YWHAG: variants seen among roughly 807,000 people sequenced by gnomAD.
YWHAG encodes the protein 14-3-3 protein gamma.
In YWHAG, 1 loss-of-function variant was observed where a neutral mutation model predicts 23.3. The observed-to-expected ratio is 0.04, with a 90% CI of 0.02 to 0.20. YWHAG has a LOEUF of 0.20. YWHAG is among the 10% of genes least tolerant of loss of function. YWHAG has a pLI of 1.00. For missense variants in YWHAG, 151 were observed against 338.6 expected (o/e 0.45, Z 4.35); for synonymous variants, 160 against 144.0 (o/e 1.11, Z -0.80).
At chr7:76,346,936 C>T (rs1803787575) in intron 1 of YWHAG, among the ~76,000 whole-genome samples, 2 of 152,144 alleles carry the variant, frequency 1.3e-5, no homozygotes, top group South Asian at 2.1e-4. Flanking sequence ...CCCTGAATGC[C>T]ACCAACAAGG....
In YWHAG at chr7:76,329,508, C is replaced by CCCCA; in HGVS notation, c.*68_*69insTGGG. On this transcript the variant is annotated 3_prime_UTR_variant, in exon 2 of 2. Transcript: ENST00000307630. The surrounding 1 kb of genome is among the most constrained non-coding windows in gnomAD (Gnocchi z 6.1). ...TCCCTTTCCCTCCCCCACCCGACCC[C>CCCCA]CAACTCATGGGAAAAAAATAAAGAC... 6.3e-6 allele frequency: 9 copies of CCCCA among 1,418,584 alleles called. No homozygotes were observed. The highest frequency in any genetic ancestry group is 5.6e-6 in the Non-Finnish European group (6 of 1,067,668). 87.9% of individuals were successfully genotyped at this position (1,418,584 alleles called of 1,614,324 possible).
intron 1 of YWHAG, 127 bp from the exon 2 acceptor site, chr7:76,330,360 G>A (rs1803525101): frequency 2.8e-6 from 3 of 1,060,858 alleles, no homozygotes; most frequent in East Asian, 2.6e-5. Flanking sequence ...ACTTTGTGTG[G>A]GCTGGGGGAA....
chr7:76,329,489 T>TTCCGCCCCCC lies in YWHAG; in HGVS notation c.*87_*88insGGGGGGCGGA. On this transcript the variant is annotated 3_prime_UTR_variant, in exon 2 of 2. Transcript: ENST00000307630. This position sits in a 1 kb window ranked among gnomAD's most constrained non-coding sequence, Gnocchi z 6.1. ...TCCCTGGGAAGGTCATCCCTCCCTTTCCCTCCCCCACCCGACCCCCAACTC... is the reference window on the plus strand; with the variant it reads ...TCCCTGGGAAGGTCATCCCTCCCTTTTCCGCCCCCCCCCTCCCCCACCCGACCCCCAACTC... The TTCCGCCCCCC allele has an allele frequency of 9.8e-7, 1 of 1,024,228 alleles. No individual in the cohort carries two copies. The allele number at this position is 1,024,228 out of a possible 1,614,324, so 63.4% of individuals were successfully genotyped here.
chr7:76,340,543 C>G (rs1217935310), intron 1 of YWHAG, among the ~76,000 whole-genome samples: 1 of 152,176 alleles, frequency 6.6e-6, no homozygotes, highest in Non-Finnish European at 1.5e-5. Flanking sequence ...AAAATTCTAA[C>G]TCCTCGCCCT....
chr7:76,348,833 C>T (rs1563667138), intron 1 of YWHAG, among the ~76,000 whole-genome samples: 1 of 151,954 alleles, frequency 6.6e-6, no homozygotes, highest in Non-Finnish European at 1.5e-5. Flanking sequence ...AGTCAGCCAG[C>T]CTCCCAAAGT....
chr7:76,350,800 C>T (rs187859939), intron 1 of YWHAG, among the ~76,000 whole-genome samples: 13 of 152,020 alleles, frequency 8.6e-5, no homozygotes, highest in East Asian at 3.9e-4. Context: ...GCTGAGATCG[C>T]GCCACTGCAC....
chr7:76,334,483 A>C (rs1328521728), intron 1 of YWHAG, among the ~76,000 whole-genome samples: 1 of 152,146 alleles, frequency 6.6e-6, no homozygotes, highest in African/African-American at 2.4e-5. Context: ...GCTGGAGTAC[A>C]GTGGTGCAAT....
Position 76,327,687 on chromosome 7 carries a change from C to A in YWHAG, c.*1890G>T, listed in dbSNP as rs1027851021. 1.7e-5 allele frequency: 2 copies of A among 120,294 alleles called. No individual in the cohort carries two copies. Among genetic ancestry groups the A allele is most frequent in the Admixed American group, 7.9e-5 (1 of 12,614 alleles). The allele number at this position is 120,294 out of a possible 1,614,324, so 7.5% of individuals were successfully genotyped here. ...TACCCTGCCCCCCCCCCCCTCCCCC[C>A]CCAAATCGTCTTCCTCCCATGGCAA... On this transcript the variant is annotated 3_prime_UTR_variant, in exon 2 of 2. Transcript: ENST00000307630.
intron 1 of YWHAG, among the ~76,000 whole-genome samples, chr7:76,345,481 T>C (rs116217787): frequency 0.027 from 4,124 of 150,656 alleles, 197 homozygotes; most frequent in African/African-American, 0.094. Context: ...CCACCGTACC[T>C]GGCCAAGCCT....
intron 1 of YWHAG, among the ~76,000 whole-genome samples, chr7:76,337,812 C>T (rs1349511263): frequency 4.6e-5 from 7 of 152,046 alleles, no homozygotes; most frequent in Admixed American, 3.3e-4. Flanking sequence ...CTGGGATTAC[C>T]GGCATGAGCC....
chr7:76,354,337 C>T (rs1190311202), intron 1 of YWHAG, among the ~76,000 whole-genome samples: 1 of 151,920 alleles, frequency 6.6e-6, no homozygotes, highest in Non-Finnish European at 1.5e-5. Flanking sequence ...ATGGTGAAAC[C>T]CTGTCTCTAT....
At chr7:76,339,867 T>C (rs1300665216) in intron 1 of YWHAG, among the ~76,000 whole-genome samples, 1 of 152,084 alleles carries the variant, frequency 6.6e-6, no homozygotes, top group African/African-American at 2.4e-5. Context: ...GGCGGGTGAA[T>C]TGCCTGAGCT....
chr7:76,354,861 TC>T (rs1803927566), intron 1 of YWHAG, among the ~76,000 whole-genome samples: 1 of 152,244 alleles, frequency 6.6e-6, no homozygotes. Flanking sequence ...AGTAAATTGT[TC>T]TTATTTATTT....
At chr7:76,336,727 A>T (rs1016882600) in intron 1 of YWHAG, among the ~76,000 whole-genome samples, 1 of 148,000 alleles carries the variant, frequency 6.8e-6, no homozygotes, top group African/African-American at 2.5e-5. Flanking sequence ...AAGTGCTGGG[A>T]TTACAGGCGT....
In YWHAG at chr7:76,332,522, C is replaced by CT. The variant is rs200642135; in HGVS notation, c.88-2290dup. ...AGGTATATCAGACAAATAAGAAAGT[C>CT]TTTTTTTGTTCTTTTTGAGACATGG... On this transcript the variant is annotated intron_variant, in intron 1 of 1. Transcript: ENST00000307630. Among the ~76,000 whole-genome samples the CT allele has an allele frequency of 1.2e-3, 185 of 152,044 alleles. 5 individuals carry two copies. The East Asian group carries it at 0.023, about 19-fold the overall frequency.
At position 76,358,861 on chromosome 7, in the gene YWHAG, AAGGGCTTGG is replaced by A; in HGVS notation, c.-62_-54del. The A allele has an allele frequency of 1.3e-6, 2 of 1,542,900 alleles. No individual in the cohort carries two copies. Among genetic ancestry groups the A allele is most frequent in the Non-Finnish European group, 1.8e-6 (2 of 1,139,476 alleles). The stretch of plus-strand genomic sequence containing the variant: ...AGGAGGAGGACACTGGGGCGGCCTG[AAGGGCTTGG>A]AGGGCGCGACTGGAGCCCAAGTGCC... On this transcript the variant is annotated 5_prime_UTR_variant, in exon 1 of 2. Transcript: ENST00000307630.
Position 76,326,923 on chromosome 7 carries a change from G to A in YWHAG, c.*2654C>T, listed in dbSNP as rs1392752004. ...GTGAAATAATTCCTTAGAGAAACAC[G>A]GAGCTGGAAAAATAATCACTGATTA... On this transcript the variant is annotated 3_prime_UTR_variant, in exon 2 of 2. Coordinates refer to ENST00000307630, the MANE Select transcript of YWHAG (RefSeq NM_012479.4). 1 of 152,592 alleles carries A rather than the reference G, an allele frequency of 6.6e-6. No homozygotes were observed. Among genetic ancestry groups the A allele is most frequent in the Non-Finnish European group, 1.5e-5 (1 of 68,026 alleles). The allele number at this position is 152,592 out of a possible 1,614,324, so 9.5% of individuals were successfully genotyped here.
At position 76,329,508 on chromosome 7, in the gene YWHAG, C is replaced by CCCA; in HGVS notation, c.*68_*69insTGG. On this transcript the variant is annotated 3_prime_UTR_variant, in exon 2 of 2. Coordinates refer to ENST00000307630, the MANE Select transcript of YWHAG (RefSeq NM_012479.4). This position sits in a 1 kb window ranked among gnomAD's most constrained non-coding sequence, Gnocchi z 6.1. ...TCCCTTTCCCTCCCCCACCCGACCCCCAACTCATGGGAAAAAAATAAAGAC... is the reference window on the plus strand; with the variant it reads ...TCCCTTTCCCTCCCCCACCCGACCCCCCACAACTCATGGGAAAAAAATAAAGAC... The CCCA allele has an allele frequency of 1.4e-6, 2 of 1,418,586 alleles. No individual in the cohort carries two copies. Among genetic ancestry groups the CCCA allele is most frequent in the Non-Finnish European group, 1.9e-6 (2 of 1,067,672 alleles). The allele number at this position is 1,418,586 out of a possible 1,614,324, so 87.9% of individuals were successfully genotyped here.
chr7:76,341,397 C>G (rs1212023334), intron 1 of YWHAG, among the ~76,000 whole-genome samples: 12 of 92,182 alleles, frequency 1.3e-4, no homozygotes, highest in Non-Finnish European at 1.7e-4. Flanking sequence ...GGACAAGACT[C>G]TTGCCTCAAA....
Sources: allele counts gnomAD v4.1 joint callset (sites outside exome capture counted in the v4.1 genomes callset), GRCh38; gene constraint gnomAD v4.1.1; non-coding constraint Gnocchi (gnomAD v3.1); transcripts MANE v1.5; gene names NCBI Gene and HGNC (gene_info 2026-07-23, HGNC 2026-07-21).